Variants in GLB1L2 observed in about 807,000 individuals in gnomAD.
GLB1L2 encodes galactosidase beta 1 like 2, also known as beta-galactosidase-1-like protein 2.
GLB1L2 carries 68 observed loss-of-function variants against 84.1 expected under a neutral mutation model. The ratio of observed to expected loss-of-function variants is 0.81; its 90% CI spans 0.67 to 0.99. The LOEUF (loss-of-function observed/expected upper bound fraction) is 0.99, where lower values mean the gene tolerates loss of function less well. Among genes scored for constraint, GLB1L2 ranks in the 50% least tolerant of loss-of-function variants. The probability of loss-of-function intolerance (pLI) is 0.00; values close to 1 mark genes in which losing one functional copy is unlikely to be tolerated. For synonymous variants in GLB1L2, 290 were observed against 318.0 expected, an observed-to-expected ratio of 0.91 and a Z score of 0.94; for missense variants, 762 against 805.6, an observed-to-expected ratio of 0.95 and a Z score of 0.66.
chr11:134,344,035 T>C (rs893209614), intron 2 of GLB1L2, among the ~76,000 whole-genome samples: 1 of 152,244 alleles, frequency 6.6e-6, no homozygotes, highest in Non-Finnish European at 1.5e-5. Context: ...CTTCAGTAAA[T>C]ATAGGATGAT....
chr11:134,374,959 C>G lies in GLB1L2; in HGVS notation c.1825-13C>G. 1 of 1,611,072 alleles carries G rather than the reference C, an allele frequency of 6.2e-7. No individual in the cohort carries two copies. Among genetic ancestry groups the G allele is most frequent in the Non-Finnish European group, 8.5e-7 (1 of 1,178,592 alleles). ...ACGTCAGCTGCCCTCCCAGCCGGGC[C>G]CTCTCTCCACAGGTCATCGTTTTTG... On this transcript the variant is annotated splice_polypyrimidine_tract_variant and intron_variant, in intron 18 of 18. Transcript: ENST00000535456.
At position 134,339,859 on chromosome 11, in the gene GLB1L2, G is replaced by A. The variant is rs1943437464; in HGVS notation, c.87-2895G>A. On this transcript the variant is annotated intron_variant, in intron 1 of 18. Coordinates refer to ENST00000535456, the MANE Select transcript of GLB1L2 (RefSeq NM_001370461.1). This position sits in a 1 kb window ranked among gnomAD's most constrained non-coding sequence, Gnocchi z 5.7. ...CTGGAAATCTGGTTGGTGGATAGAA[G>A]TTGTTGAATTGGGATGCCTCTTTCC... Among the ~76,000 whole-genome samples the A allele has an allele frequency of 6.6e-6, 1 of 152,200 alleles. No homozygotes were observed. The highest frequency in any genetic ancestry group is 2.4e-5 in the African/African-American group (1 of 41,448).
At chr11:134,353,803 G>T (rs1278910188) in intron 5 of GLB1L2, among the ~76,000 whole-genome samples, 1 of 152,032 alleles carries the variant, frequency 6.6e-6, no homozygotes, top group African/African-American at 2.4e-5. Context: ...TTTGTCTCTT[G>T]TAACAGTTTT....
chr11:134,354,825 C>T (rs565592797), intron 5 of GLB1L2, among the ~76,000 whole-genome samples: 4 of 152,236 alleles, frequency 2.6e-5, no homozygotes, highest in South Asian at 4.2e-4. Flanking sequence ...TATAGAGTGT[C>T]CCTGAGTGGT....
intron 5 of GLB1L2, among the ~76,000 whole-genome samples, chr11:134,349,702 C>G (rs552164274): frequency 6.6e-5 from 10 of 152,214 alleles, no homozygotes; most frequent in Non-Finnish European, 1.0e-4. Context: ...GAGCATCTTT[C>G]ATGTGCTGAT....
At position 134,368,804 on chromosome 11, in the gene GLB1L2, C is replaced by G. The variant is rs377193057; in HGVS notation, c.1027+23C>G. 1.1e-4 allele frequency: 175 copies of G among 1,611,938 alleles called. No individual in the cohort carries two copies. In the Admixed American group the frequency reaches 1.7e-3, roughly 16 times the overall value. On this transcript the variant is annotated intron_variant, in intron 10 of 18. Coordinates refer to ENST00000535456, the MANE Select transcript of GLB1L2 (RefSeq NM_001370461.1). The stretch of plus-strand genomic sequence containing the variant: ...ATGGCAAGTATTCATCAGCACTGCT[C>G]TCCCTGGTCTGCCCTGCATGGGCAT...
At chr11:134,366,570 C>T (rs1285161746) in intron 8 of GLB1L2, among the ~76,000 whole-genome samples, 2 of 150,342 alleles carry the variant, frequency 1.3e-5, no homozygotes, top group East Asian at 1.9e-4. Flanking sequence ...CTTCTGCAAA[C>T]GTGGCAGAGT....
intron 1 of GLB1L2, among the ~76,000 whole-genome samples, chr11:134,333,866 TG>T (rs1419697957): frequency 2.6e-5 from 4 of 152,190 alleles, no homozygotes; most frequent in Admixed American, 2.6e-4. Context: ...ATGTTTTTCT[TG>T]CCTCTCCATC....
At position 134,370,552 on chromosome 11, in the gene GLB1L2, C is replaced by T. The variant is rs969584518; in HGVS notation, c.1215+153C>T. Among the ~76,000 whole-genome samples the T allele has an allele frequency of 6.6e-6, 1 of 152,016 alleles. No homozygotes were observed. Among genetic ancestry groups the T allele is most frequent in the Non-Finnish European group, 1.5e-5 (1 of 67,986 alleles). On this transcript the variant is annotated intron_variant, in intron 12 of 18. Coordinates refer to ENST00000535456, the MANE Select transcript of GLB1L2 (RefSeq NM_001370461.1). This position sits in a 1 kb window ranked among gnomAD's most constrained non-coding sequence, Gnocchi z 4.7. ...TCCAGACAGGGAGTGTGGGGGGAGG[C>T]AGGCCAGTGCCTGGTGGCTCTGGGG...
chr11:134,357,198 C>T (rs374296293), intron 6 of GLB1L2, among the ~76,000 whole-genome samples: 7 of 152,224 alleles, frequency 4.6e-5, no homozygotes, highest in African/African-American at 1.4e-4. Flanking sequence ...GAAGGCCGGA[C>T]GGCTTTGGGC....
Position 134,359,062 on chromosome 11 carries a change from A to C in GLB1L2, c.654A>C (p.Ala218=). 1 of 1,593,306 alleles carries C rather than the reference A, an allele frequency of 6.3e-7. No individual in the cohort carries two copies. The highest frequency in any genetic ancestry group is 8.6e-7 in the Non-Finnish European group (1 of 1,169,528). The change falls in exon 7 of 19, where the codon GCA becomes GCC. Residue 218 remains alanine (A), a splice_region_variant and synonymous_variant. Coordinates refer to ENST00000535456, the MANE Select transcript of GLB1L2 (RefSeq NM_001370461.1). ...GGCTTGTCTCATTTCCCCCACAGGC[A>C]CTGGAGGACCGTGGCATTGTGGAAC... ...DPAYMPYVKK[A]LEDRGIVELL...
At position 134,373,777 on chromosome 11, in the gene GLB1L2, A is replaced by T. The variant is rs2136291461; in HGVS notation, c.1564A>T (p.Ser522Cys). ...ACCCCTGAAAAACTTCAGAATCTAT[A>T]GCCTGGATATGAAGAAGAGCTTCTT... ...DSPLKNFRIY[S>C]LDMKKSFFQR... Residue 522 changes from serine to cysteine, a missense_variant, in exon 16 of 19, where the codon AGC (serine) becomes TGC (cysteine). By Grantham distance (112) the Ser-to-Cys change is moderately radical. This residue lies in a region of GLB1L2 where 603 missense variants were observed against 611.7 expected (regional missense o/e 0.99). Transcript: ENST00000535456. The T allele has an allele frequency of 6.2e-7, 1 of 1,612,478 alleles. No homozygotes were observed. The highest frequency in any genetic ancestry group is 2.2e-5 in the East Asian group (1 of 44,864).
In GLB1L2 at chr11:134,375,229, AGGGAAAGGT is replaced by A. The variant is rs1210773421; in HGVS notation, c.*176_*184del. 6.9e-6 allele frequency: 4 copies of A among 582,468 alleles called. No homozygotes were observed. The highest frequency in any genetic ancestry group is 2.2e-5 in the South Asian group (1 of 44,812). The allele number at this position is 582,468 out of a possible 1,614,324, so 36.1% of individuals were successfully genotyped here. A position where few individuals can be genotyped will look rare whatever the true frequency, so the allele number is the denominator to read the frequency against. ...TCTCAGCTCAAAACCCTAAGCCTGC[AGGGAAAGGT>A]GGGATGGCTCTGGGCCTGGCTTTGT... On this transcript the variant is annotated 3_prime_UTR_variant, in exon 19 of 19. Coordinates refer to ENST00000535456, the MANE Select transcript of GLB1L2 (RefSeq NM_001370461.1).
In GLB1L2 at chr11:134,374,686, C is replaced by T; in HGVS notation, c.1792C>T (p.Pro598Ser). The change falls in exon 18 of 19, where the codon CCA (proline) becomes TCA (serine). Residue 598 changes from proline to serine, a missense_variant. By Grantham distance (74) the Pro-to-Ser change is moderately conservative. This residue lies in a region of GLB1L2 where 603 missense variants were observed against 611.7 expected (regional missense o/e 0.99). Transcript: ENST00000535456. The part of the protein sequence containing the change: ...NIGPQKTLYL[P>S]GPWLSSGINQ... ...TGGACCCCAGAAGACGCTTTACCTC[C>T]CAGGTCCCTGGTTGAGCAGCGGAAT... The T allele has an allele frequency of 6.2e-7, 1 of 1,613,906 alleles. No individual in the cohort carries two copies. Among genetic ancestry groups the T allele is most frequent in the Admixed American group, 1.7e-5 (1 of 60,020 alleles).
Position 134,371,753 on chromosome 11 carries a change from G to C in GLB1L2, c.1430G>C (p.Gly477Ala), listed in dbSNP as rs755178898. ...TCGTTAGCCCCGTGTTCCCGGCAGGGTTACACCGTGCTGAGGATCTTGGTG... is the reference window on the plus strand; with the variant it reads ...TCGTTAGCCCCGTGTTCCCGGCAGGCTTACACCGTGCTGAGGATCTTGGTG... ...TTKIAVPLIQ[G>A]YTVLRILVEN... is the part of the protein sequence containing the mutation. Residue 477 changes from glycine to alanine, a missense_variant and splice_region_variant, in exon 15 of 19, where the codon GGT becomes GCT. By Grantham distance (60) the Gly-to-Ala change is moderately conservative (BLOSUM62 0). This residue lies in a region of GLB1L2 where 603 missense variants were observed against 611.7 expected (regional missense o/e 0.99). Transcript: ENST00000535456. 6.2e-7 allele frequency: 1 copy of C among 1,614,100 alleles called. No homozygotes were observed. The highest frequency in any genetic ancestry group is 1.7e-5 in the Admixed American group (1 of 60,024).
Position 134,371,041 on chromosome 11 carries a change from A to T in GLB1L2, c.1249A>T (p.Asn417Tyr). ...GTCTGAAAAGCCCATCAACATGGAG[A>T]ACCTGCCAGTCAATGGGGGAAATGG... is the stretch of plus-strand genomic sequence containing the variant. ...IKSEKPINME[N>Y]LPVNGGNGQS... Residue 417 changes from asparagine (N) to tyrosine (Y), a missense_variant, in exon 13 of 19, where the codon AAC (asparagine) becomes TAC (tyrosine). By Grantham distance (143) the Asn-to-Tyr change is moderately radical. Coordinates refer to ENST00000535456, the MANE Select transcript of GLB1L2 (RefSeq NM_001370461.1). The T allele has an allele frequency of 6.2e-7, 1 of 1,614,158 alleles. No homozygotes were observed. The highest frequency in any genetic ancestry group is 8.5e-7 in the Non-Finnish European group (1 of 1,180,032).
At chr11:134,364,528 C>A (rs959580023) in intron 8 of GLB1L2, 130 bp downstream of exon 8, 7 of 724,256 alleles carry the variant, frequency 9.7e-6, no homozygotes, top group East Asian at 2.5e-5. Flanking sequence ...TCTGGCCCCC[C>A]GCCCATGCCA....
At chr11:134,374,364 C>A in intron 17 of GLB1L2, 108 bp downstream of exon 17, 1 of 991,976 alleles carries the variant, frequency 1.0e-6, no homozygotes, top group Non-Finnish European at 1.6e-6. Flanking sequence ...CTTCTGTGCC[C>A]AGAGGGTCTG....
rs2136289097 is a variant in GLB1L2, at chr11:134,370,998, C to T, written c.1216-10C>T. ...GAGCCTGCCCACCCCTCCATCTCTT[C>T]TGTACGCAGCCAATCAAGTCTGAAA... On this transcript the variant is annotated splice_polypyrimidine_tract_variant and intron_variant, in intron 12 of 18. Transcript: ENST00000535456. This position sits in a 1 kb window ranked among gnomAD's most constrained non-coding sequence, Gnocchi z 4.7. 6.2e-7 allele frequency: 1 copy of T among 1,613,968 alleles called. No individual in the cohort carries two copies. The highest frequency in any genetic ancestry group is 8.5e-7 in the Non-Finnish European group (1 of 1,179,902).
Sources: allele counts gnomAD v4.1 joint callset (sites outside exome capture counted in the v4.1 genomes callset), GRCh38; gene constraint gnomAD v4.1.1; regional missense constraint gnomAD v4.1.1; non-coding constraint Gnocchi (gnomAD v3.1); transcripts MANE v1.5; gene names NCBI Gene and HGNC (gene_info 2026-07-23, HGNC 2026-07-21).